FOXP4: variants seen among roughly 807,000 people sequenced by gnomAD.
FOXP4 encodes forkhead box protein P4.
In FOXP4, 25 loss-of-function variants were observed where a neutral mutation model predicts 82.6. The ratio of observed to expected loss-of-function variants is 0.30; its 90% CI spans 0.22 to 0.42. The LOEUF (loss-of-function observed/expected upper bound fraction) is 0.42. FOXP4 is among the 10% of genes least tolerant of loss of function. The probability of loss-of-function intolerance (pLI) is 1.00; values close to 1 mark genes in which losing one functional copy is unlikely to be tolerated. For synonymous variants in FOXP4, 415 were observed against 388.2 expected (o/e 1.07, Z -0.81); for missense variants, 785 against 900.9 (o/e 0.87, Z 1.65).
At chr6:41,557,759 G>A (rs1479217885) in intron 1 of FOXP4, among the ~76,000 whole-genome samples, 1 of 152,166 alleles carries the variant, frequency 6.6e-6, no homozygotes, top group Non-Finnish European at 1.5e-5. Context: ...GATCTCTGTA[G>A]GGTAGGATTA....
intron 3 of FOXP4, among the ~76,000 whole-genome samples, chr6:41,583,434 C>T (rs1765916444): frequency 6.6e-6 from 1 of 152,190 alleles, no homozygotes; most frequent in South Asian, 2.1e-4. Context: ...CCCCTGAGGA[C>T]CTAGCCTGTC....
In FOXP4 at chr6:41,584,883, C is replaced by G. The variant is rs201819185; in HGVS notation, c.415C>G (p.Leu139Val). The change falls in exon 4 of 17, where the codon CTC becomes GTC. Residue 139 changes from leucine to valine, a missense_variant. Leu to Val is a conservative substitution (Grantham distance 32). Coordinates refer to ENST00000307972, the MANE Select transcript of FOXP4 (RefSeq NM_001012426.2). ...GCTCCAGCAGCAGCAAGCCCTCATG[C>G]TCCAGCAGGTGAGTCTGGCCCCAGG... ...ALLQQQQALM[L>V]QQLQEYYKKQ... 6.2e-7 allele frequency: 1 copy of G among 1,610,434 alleles called. No homozygotes were observed. Among genetic ancestry groups the G allele is most frequent in the East Asian group, 2.2e-5 (1 of 44,828 alleles).
rs936711587 is a variant in FOXP4 at position 41,576,114 on chromosome 6, C to T, written c.205-1872C>T. Among the ~76,000 whole-genome samples, 5 of 146,898 alleles carry T rather than the reference C, an allele frequency of 3.4e-5. 1 individual carries two copies. The highest frequency in any genetic ancestry group is 3.4e-4 in the Admixed American group (5 of 14,894). The stretch of plus-strand genomic sequence containing the variant: ...TTGACTTAGAAAGGTCAGATTTCTG[C>T]TTTCTGAAGTGAATCTGGAAGAGGA... On this transcript the variant is annotated intron_variant, in intron 2 of 16. Transcript: ENST00000307972.
chr6:41,554,120 C>T (rs1052124197), intron 1 of FOXP4, among the ~76,000 whole-genome samples: 2 of 152,150 alleles, frequency 1.3e-5, no homozygotes, highest in African/African-American at 4.8e-5. Flanking sequence ...AAAGATTCTC[C>T]AGGCAGTGGT....
chr6:41,598,691 C>A, intron 16 of FOXP4, 98 bp from the exon 17 acceptor site: 1 of 1,519,258 alleles, frequency 6.6e-7, no homozygotes, highest in South Asian at 1.2e-5. Flanking sequence ...GCTGTGGGCA[C>A]CCCACTGTGC....
At chr6:41,575,386 A>C (rs1765423483) in intron 2 of FOXP4, among the ~76,000 whole-genome samples, 1 of 152,174 alleles carries the variant, frequency 6.6e-6, no homozygotes, top group South Asian at 2.1e-4. Flanking sequence ...GGCACGCAGC[A>C]GGTACTTCAT....
chr6:41,589,690 A>T, intron 9 of FOXP4, 81 bp from the exon 10 acceptor site: 1 of 1,432,208 alleles, frequency 7.0e-7, no homozygotes, highest in Non-Finnish European at 9.7e-7. Flanking sequence ...CCTTCTGAAG[A>T]GCCTGGCGGT....
chr6:41,586,119 C>T (rs1766101751), intron 5 of FOXP4, among the ~76,000 whole-genome samples: 1 of 152,148 alleles, frequency 6.6e-6, no homozygotes, highest in Non-Finnish European at 1.5e-5. Context: ...GCCCCAAGCT[C>T]TAAGTTTCCT....
intron 9 of FOXP4, 83 bp downstream of exon 9, chr6:41,588,814 T>C (rs1766322209): frequency 6.8e-7 from 1 of 1,472,814 alleles, no homozygotes; most frequent in African/African-American, 1.4e-5. Context: ...AGGTGGGCTC[T>C]GTTGGGAGGG....
At position 41,599,055 on chromosome 6, in the gene FOXP4, GGA is replaced by G. The variant is rs891707553; in HGVS notation, c.*121_*122del. The G allele has an allele frequency of 6.1e-5, 84 of 1,366,900 alleles. No individual in the cohort carries two copies. The highest frequency in any genetic ancestry group is 5.3e-4 in the Middle Eastern group (2 of 3,756). The allele number at this position is 1,366,900 out of a possible 1,614,324, so 84.7% of individuals were successfully genotyped here. A position where few individuals can be genotyped will look rare whatever the true frequency, so the allele number is the denominator to read the frequency against. On this transcript the variant is annotated 3_prime_UTR_variant, in exon 17 of 17. Transcript: ENST00000307972. ...AAGGCAAGTCCAGGACTCAGACCGG[GGA>G]GGCCCGGGCCAGCAGCTCCCAGTGT...
intron 1 of FOXP4, 138 bp downstream of exon 1, chr6:41,547,005 G>C (rs1233008559): frequency 2.0e-5 from 3 of 151,486 alleles, no homozygotes; most frequent in Non-Finnish European, 4.4e-5. Flanking sequence ...CGCGCTGGGC[G>C]CCGGGCGCCA....
intron 14 of FOXP4, among the ~76,000 whole-genome samples, chr6:41,595,322 C>T (rs1006703789): frequency 6.6e-6 from 1 of 151,986 alleles, no homozygotes; most frequent in African/African-American, 2.4e-5. Context: ...TGCCAGCCAA[C>T]GGGCCATGGG....
intron 1 of FOXP4, among the ~76,000 whole-genome samples, chr6:41,557,918 T>C (rs1057101727): frequency 2.6e-5 from 4 of 152,150 alleles, no homozygotes; most frequent in Non-Finnish European, 5.9e-5. Flanking sequence ...AATCGAAGGC[T>C]TTGGTGGAGC....
intron 2 of FOXP4, among the ~76,000 whole-genome samples, chr6:41,568,967 G>A (rs376219755): frequency 6.6e-6 from 1 of 152,214 alleles, no homozygotes; most frequent in Admixed American, 6.5e-5. Context: ...AACAGAGGCT[G>A]GGGGGTGACC....
At position 41,587,870 on chromosome 6, in the gene FOXP4, T is replaced by C; in HGVS notation, c.950T>C (p.Leu317Pro). 1 of 1,563,958 alleles carries C rather than the reference T, an allele frequency of 6.4e-7. No individual in the cohort carries two copies. The highest frequency in any genetic ancestry group is 8.7e-7 in the Non-Finnish European group (1 of 1,152,788). Residue 317 changes from leucine (L) to proline (P), a missense_variant, in exon 8 of 17, where the codon CTG (leucine) becomes CCG (proline). By Grantham distance (98) the Leu-to-Pro change is moderately conservative. Transcript: ENST00000307972. ...GECKWPGCETLCEDLGQFIKH... is the reference protein window; with the variant it reads ...GECKWPGCETPCEDLGQFIKH... ...TGCAAGTGGCCAGGCTGTGAGACCCTGTGTGAAGACCTGGGCCAGTTTATC... is the reference window on the plus strand; with the variant it reads ...TGCAAGTGGCCAGGCTGTGAGACCCCGTGTGAAGACCTGGGCCAGTTTATC...
At position 41,598,546 on chromosome 6, in the gene FOXP4, G is replaced by A. The variant is rs56190909; in HGVS notation, c.1896-243G>A. 0.07 allele frequency among the ~76,000 whole-genome samples: 10,701 copies of A among 151,914 alleles called. 402 individuals are homozygous for A. Among genetic ancestry groups the A allele is most frequent in the Middle Eastern group, 0.11 (31 of 294 alleles). ...CTTCTATCTTTCTTCTCCTTCCTCC[G>A]TTCGCTCATCTCCCCTCTGCTCCCC... On this transcript the variant is annotated intron_variant, in intron 16 of 16. Transcript: ENST00000307972.
chr6:41,584,734 T>C (rs1172945983), intron 3 of FOXP4, 35 bp from the exon 4 acceptor site: 1 of 1,547,988 alleles, frequency 6.5e-7, no homozygotes, highest in Admixed American at 1.9e-5. Context: ...TGGGTTGGGG[T>C]CCAGGGGACA....
Position 41,546,756 on chromosome 6 carries a change from CGGAAGGGCAGCCCCGGCGGGCGGCGG to C in FOXP4, c.-127_-102del, listed in dbSNP as rs1018577284. ...GGGAGCTGCGCGACGCGGGGCGGCGCGGAAGGGCAGCCCCGGCGGGCGGCGGCGGGCCCGGGCTGCGACCGGAGCGA... is the reference window on the plus strand; with the variant it reads ...GGGAGCTGCGCGACGCGGGGCGGCGCCGGGCCCGGGCTGCGACCGGAGCGA... On this transcript the variant is annotated 5_prime_UTR_variant, in exon 1 of 17. Transcript: ENST00000307972. The C allele has an allele frequency of 5.5e-5, 8 of 146,370 alleles. No individual in the cohort carries two copies. Among genetic ancestry groups the C allele is most frequent in the African/African-American group, 1.5e-4 (6 of 40,734 alleles). 9.1% of individuals were successfully genotyped at this position (146,370 alleles called of 1,614,324 possible). A position where few individuals can be genotyped will look rare whatever the true frequency, so the allele number is the denominator to read the frequency against.
At chr6:41,552,707 C>T (rs969169551) in intron 1 of FOXP4, among the ~76,000 whole-genome samples, 1 of 152,142 alleles carries the variant, frequency 6.6e-6, no homozygotes, top group African/African-American at 2.4e-5. Flanking sequence ...GCTGGGCTAG[C>T]TCGGGCCGGC....
Sources: allele counts gnomAD v4.1 joint callset (sites outside exome capture counted in the v4.1 genomes callset), GRCh38; gene constraint gnomAD v4.1.1; transcripts MANE v1.5; gene names NCBI Gene and HGNC (gene_info 2026-07-23, HGNC 2026-07-21).